The following CDH13 variants were observed in gnomAD, a reference collection of about 807,000 sequenced individuals.
CDH13 encodes cadherin 13.
A neutral mutation model predicts 63.8 loss-of-function variants in CDH13; 24 were observed. That is an observed-to-expected ratio of 0.38 (90% confidence interval 0.27 to 0.53). The LOEUF is 0.53. Ranked by LOEUF, CDH13 falls within the 20% of genes least tolerant of loss-of-function variation. The pLI, the probability that CDH13 is intolerant of heterozygous loss-of-function variation, is 0.85. For missense variants in CDH13, 1,049 were observed against 903.1 expected (o/e 1.16, Z -2.07); for synonymous variants, 503 against 355.3 (o/e 1.42, Z -4.67).
chr16:83,081,711 GAGAGAGAGAA>G (rs1567811542), intron 3 of CDH13, among the ~76,000 whole-genome samples: 2 of 151,902 alleles, frequency 1.3e-5, no homozygotes, highest in African/African-American at 4.8e-5. Context: ...GAGAGAAAGA[GAGAGAGAGAA>G]AGAGCTCGCA....
At chr16:83,460,576 G>A (rs1286233700) in intron 6 of CDH13, among the ~76,000 whole-genome samples, 2 of 152,134 alleles carry the variant, frequency 1.3e-5, no homozygotes, top group African/African-American at 4.8e-5. Flanking sequence ...GGAAAACACA[G>A]TCTGCAGAAA....
chr16:83,105,778 T>G lies in CDH13; in HGVS notation c.367-19607T>G, dbSNP rs143386552. Among the ~76,000 whole-genome samples, 3 of 152,200 alleles carry G rather than the reference T, an allele frequency of 2.0e-5. No homozygotes were observed. The East Asian group carries it at 5.8e-4, about 29-fold the overall frequency. ...CTGTACTGAAGAATGACGCACATAA[T>G]GTACAACAGGCAGCCATTGTCATGT... On this transcript the variant is annotated intron_variant, in intron 3 of 13. Coordinates refer to ENST00000567109, the MANE Select transcript of CDH13 (RefSeq NM_001257.5).
At chr16:83,298,113 C>T (rs866584245) in intron 5 of CDH13, among the ~76,000 whole-genome samples, 3 of 150,288 alleles carry the variant, frequency 2.0e-5, no homozygotes, top group Non-Finnish European at 3.0e-5. Context: ...TGCAGGGGTA[C>T]GTGCCTGTGG....
At chr16:83,246,633 G>T (rs1159998350) in intron 5 of CDH13, among the ~76,000 whole-genome samples, 1 of 152,100 alleles carries the variant, frequency 6.6e-6, no homozygotes, top group Non-Finnish European at 1.5e-5. Context: ...TGCATCTTCA[G>T]TGTGGTTTTC....
intron 1 of CDH13, among the ~76,000 whole-genome samples, chr16:82,649,365 G>A (rs74948898): frequency 0.012 from 1,901 of 152,152 alleles, 36 homozygotes; most frequent in African/African-American, 0.041. Context: ...TATATGAAGG[G>A]GAAGGAATCT....
At chr16:83,046,291 G>C (rs1917776475) in intron 3 of CDH13, among the ~76,000 whole-genome samples, 1 of 152,098 alleles carries the variant, frequency 6.6e-6, no homozygotes, top group African/African-American at 2.4e-5. Flanking sequence ...TTCTTAATTA[G>C]GTAGGAAGTA....
At chr16:82,659,214 C>T (rs1911649050) in intron 1 of CDH13, among the ~76,000 whole-genome samples, 1 of 152,202 alleles carries the variant, frequency 6.6e-6, no homozygotes, top group Admixed American at 6.5e-5. Flanking sequence ...CTATTGGAAC[C>T]TAGTCCCACT....
At chr16:82,779,397 A>G (rs574640929) in intron 1 of CDH13, among the ~76,000 whole-genome samples, 1 of 152,304 alleles carries the variant, frequency 6.6e-6, no homozygotes, top group East Asian at 1.9e-4. Context: ...GTGCAGGTCC[A>G]AGCGTCCACT....
chr16:83,630,048 G>C (rs1968264), intron 8 of CDH13, among the ~76,000 whole-genome samples: 18,175 of 152,212 alleles, frequency 0.12, 1,143 homozygotes, highest in African/African-American at 0.14. Context: ...TGGCAGACAG[G>C]CATTTAACAG....
At chr16:82,883,432 C>A (rs2040774297) in intron 2 of CDH13, among the ~76,000 whole-genome samples, 1 of 152,196 alleles carries the variant, frequency 6.6e-6, no homozygotes, top group African/African-American at 2.4e-5. Context: ...TTGCCAGGCC[C>A]TTTGCCTAGT....
At chr16:83,137,249 C>G (rs977484040) in intron 4 of CDH13, among the ~76,000 whole-genome samples, 1 of 152,188 alleles carries the variant, frequency 6.6e-6, no homozygotes, top group Non-Finnish European at 1.5e-5. Flanking sequence ...CTTCATGCAG[C>G]AAGTGCAACA....
chr16:83,115,948 C>T lies in CDH13; in HGVS notation c.367-9437C>T, dbSNP rs534022894. On this transcript the variant is annotated intron_variant, in intron 3 of 13. Transcript: ENST00000567109. ...ATGTCAGCGTATTTAGGAGATCCTC[C>T]AACAGGTGGCCAGCCCGGGTCAAGC... 9.8e-5 allele frequency among the ~76,000 whole-genome samples: 15 copies of T among 152,340 alleles called. No homozygotes were observed. In the East Asian group the frequency reaches 2.9e-3, roughly 29 times the overall value.
chr16:83,526,782 G>T (rs1180059926), intron 7 of CDH13, among the ~76,000 whole-genome samples: 1 of 152,174 alleles, frequency 6.6e-6, no homozygotes, highest in East Asian at 1.9e-4. Context: ...CCCAGTTTGG[G>T]AACAGTGAAA....
rs912558568 is a variant in CDH13, at chr16:82,946,172, T to C, written c.158-85838T>C. 9.0e-4 allele frequency among the ~76,000 whole-genome samples: 136 copies of C among 151,168 alleles called. 2 individuals are homozygous for C. Among genetic ancestry groups the C allele is most frequent in the Middle Eastern group, 3.4e-3 (1 of 294 alleles). ...CTAGATTTCCATAACTATTTGTTGATTAAATTAATGACTAGATGGATGGAT... is the reference window on the plus strand; with the variant it reads ...CTAGATTTCCATAACTATTTGTTGACTAAATTAATGACTAGATGGATGGAT... On this transcript the variant is annotated intron_variant, in intron 2 of 13. Coordinates refer to ENST00000567109, the MANE Select transcript of CDH13 (RefSeq NM_001257.5).
At chr16:83,057,231 C>T (rs184139170) in intron 3 of CDH13, among the ~76,000 whole-genome samples, 6 of 152,172 alleles carry the variant, frequency 3.9e-5, no homozygotes, top group South Asian at 4.1e-4. Context: ...TCCCAAAGTA[C>T]TGGCATTACA....
At chr16:82,680,325 A>C (rs150651849) in intron 1 of CDH13, among the ~76,000 whole-genome samples, 2,167 of 152,314 alleles carry the variant, frequency 0.014, 34 homozygotes, top group Middle Eastern at 0.031. Context: ...TCAAGAGTCG[A>C]GGCACCCTCA....
intron 4 of CDH13, among the ~76,000 whole-genome samples, chr16:83,132,923 A>G (rs2036123236): frequency 6.6e-6 from 1 of 152,164 alleles, no homozygotes; most frequent in Non-Finnish European, 1.5e-5. Flanking sequence ...TCCTATTTCC[A>G]AGTCTTTGAA....
intron 6 of CDH13, among the ~76,000 whole-genome samples, chr16:83,379,919 GTATATA>G (rs747045728): frequency 7.9e-6 from 1 of 126,444 alleles, no homozygotes; most frequent in African/African-American, 3.2e-5. Context: ...ATGTGTGTGT[GTATATA>G]TATATATATA....
chr16:83,719,624 C>G (rs1016396700), intron 10 of CDH13, among the ~76,000 whole-genome samples: 1 of 152,198 alleles, frequency 6.6e-6, no homozygotes, highest in Non-Finnish European at 1.5e-5. Flanking sequence ...GTTATACACA[C>G]CTCACATGTA....
Sources: allele counts gnomAD v4.1 joint callset (sites outside exome capture counted in the v4.1 genomes callset), GRCh38; gene constraint gnomAD v4.1.1; transcripts MANE v1.5; gene names NCBI Gene and HGNC (gene_info 2026-07-23, HGNC 2026-07-21).